NTM: variants seen among roughly 807,000 people sequenced by gnomAD.
The protein encoded by NTM is IgLON family member 2.
A neutral mutation model predicts 42.1 loss-of-function variants in NTM; 13 were observed. The ratio of observed to expected loss-of-function variants is 0.31; its 90% CI spans 0.20 to 0.49. The LOEUF is 0.49. Ranked by LOEUF, NTM falls within the 20% of genes least tolerant of loss-of-function variation. The pLI is 0.99. For missense variants in NTM, 373 were observed against 452.8 expected (o/e 0.82, Z 1.60); for synonymous variants, 187 against 179.2 (o/e 1.04, Z -0.35).
At chr11:131,590,172 C>T (rs2059240425) in intron 1 of NTM, among the ~76,000 whole-genome samples, 1 of 152,176 alleles carries the variant, frequency 6.6e-6, no homozygotes, top group Non-Finnish European at 1.5e-5. Context: ...GAACCTCTGT[C>T]CCCTCCCCAG....
chr11:131,661,421 A>G (rs1242228254), intron 1 of NTM, among the ~76,000 whole-genome samples: 2 of 152,364 alleles, frequency 1.3e-5, no homozygotes, highest in Admixed American at 6.5e-5. Flanking sequence ...TGACATGATC[A>G]GGCAGTAAAT....
chr11:131,582,830 G>A (rs1432488420), intron 1 of NTM, among the ~76,000 whole-genome samples: 2 of 152,094 alleles, frequency 1.3e-5, no homozygotes, highest in East Asian at 1.9e-4. Flanking sequence ...AGATTTACTG[G>A]CGTTTGGGGT....
intron 1 of NTM, among the ~76,000 whole-genome samples, chr11:131,762,496 C>T (rs1468542144): frequency 2.6e-5 from 4 of 152,214 alleles, no homozygotes; most frequent in South Asian, 4.1e-4. Context: ...AGGCCAAGGG[C>T]AGGTTGGCGC....
chr11:131,517,069 G>A (rs1388420516), intron 1 of NTM, among the ~76,000 whole-genome samples: 1 of 152,236 alleles, frequency 6.6e-6, no homozygotes, highest in Non-Finnish European at 1.5e-5. Context: ...TGACTGGGAA[G>A]TCTTTCCCAG....
intron 1 of NTM, among the ~76,000 whole-genome samples, chr11:131,752,988 C>T (rs531314563): frequency 6.6e-6 from 1 of 152,152 alleles, no homozygotes; most frequent in East Asian, 1.9e-4. Context: ...CTCAACCTAC[C>T]CATCTGACAA....
At chr11:132,292,812 A>G (rs1223509503) in intron 4 of NTM, among the ~76,000 whole-genome samples, 1 of 151,068 alleles carries the variant, frequency 6.6e-6, no homozygotes, top group Non-Finnish European at 1.5e-5. Flanking sequence ...AAAAAAAAAA[A>G]ACTAAAAAAT....
At chr11:131,630,226 G>A (rs1252482026) in intron 1 of NTM, among the ~76,000 whole-genome samples, 1 of 152,236 alleles carries the variant, frequency 6.6e-6, no homozygotes, top group Non-Finnish European at 1.5e-5. Context: ...TAGAAAGTTA[G>A]CAATCTCTGC....
rs146814604 is a variant in NTM, at chr11:132,270,071, C to T, written c.527-37618C>T. 5.3e-4 allele frequency among the ~76,000 whole-genome samples: 81 copies of T among 152,278 alleles called. 1 individual carries two copies. The highest frequency in any genetic ancestry group is 1.7e-3 in the African/African-American group (71 of 41,552). On this transcript the variant is annotated intron_variant, in intron 4 of 8. Transcript: ENST00000683400. ...CAGCGTCCTACTCCAGGCAACCACT[C>T]GTGTGGCCTCTATAACTACGGATAG...
intron 1 of NTM, chr11:131,770,971 C>CTGA (rs1282598096): frequency 2.0e-5 from 3 of 152,204 alleles, no homozygotes; most frequent in African/African-American, 7.2e-5. Flanking sequence ...TGCAGATCTT[C>CTGA]AGATTCAGGA....
chr11:131,911,418 G>C (rs998127238), intron 1 of NTM, 146 bp from the exon 2 acceptor site: 15 of 1,606,718 alleles, frequency 9.3e-6, no homozygotes, highest in Admixed American at 1.7e-5. Context: ...CCCACTTCCT[G>C]TGCTCGCCCG....
chr11:132,299,345 G>C (rs1036552618), intron 4 of NTM, among the ~76,000 whole-genome samples: 1 of 152,134 alleles, frequency 6.6e-6, no homozygotes, highest in African/African-American at 2.4e-5. Context: ...TGCATTTCTA[G>C]CTTATGCAAA....
chr11:132,077,679 T>C (rs2058542182), intron 2 of NTM, among the ~76,000 whole-genome samples: 1 of 152,216 alleles, frequency 6.6e-6, no homozygotes, highest in Non-Finnish European at 1.5e-5. Flanking sequence ...ATGGTGTGTT[T>C]ACCAGACAGT....
At chr11:131,971,233 T>C (rs541802663) in intron 2 of NTM, among the ~76,000 whole-genome samples, 10 of 152,348 alleles carry the variant, frequency 6.6e-5, no homozygotes, top group African/African-American at 2.2e-4. Flanking sequence ...TAGTTTTCTC[T>C]AATCTCTGAT....
chr11:131,911,021 T>C (rs2054810111), intron 1 of NTM: 1 of 1,023,706 alleles, frequency 9.8e-7, no homozygotes, highest in South Asian at 4.0e-5. Context: ...AAGTGTTGGA[T>C]GTCCCCCGTT....
intron 2 of NTM, among the ~76,000 whole-genome samples, chr11:132,068,485 C>T (rs7952281): frequency 6.6e-6 from 1 of 152,246 alleles, no homozygotes; most frequent in Admixed American, 6.5e-5. Flanking sequence ...TTTTCTGAGA[C>T]CTCACCAGAA....
intron 3 of NTM, among the ~76,000 whole-genome samples, chr11:132,170,888 G>A (rs181006978): frequency 1.4e-3 from 208 of 152,258 alleles, no homozygotes; most frequent in African/African-American, 4.6e-3. Context: ...CCTCATGATG[G>A]GGATTGCGGT....
intron 1 of NTM, among the ~76,000 whole-genome samples, chr11:131,469,078 G>A (rs773219422): frequency 4.6e-5 from 7 of 152,216 alleles, no homozygotes; most frequent in African/African-American, 7.2e-5. Context: ...TCCTGGCAGA[G>A]CTGGCTGCTG....
intron 1 of NTM, chr11:131,537,080 A>T (rs970312442): frequency 4.6e-5 from 7 of 151,898 alleles, no homozygotes; most frequent in African/African-American, 1.2e-4. Flanking sequence ...CCTCCGAGGC[A>T]CTGCAGACCT....
At chr11:132,120,684 G>C (rs1055340667) in intron 2 of NTM, among the ~76,000 whole-genome samples, 1 of 152,152 alleles carries the variant, frequency 6.6e-6, no homozygotes, top group Non-Finnish European at 1.5e-5. Context: ...CCTGCTTAGG[G>C]TTCTGCAAGG....
Sources: allele counts gnomAD v4.1 joint callset (sites outside exome capture counted in the v4.1 genomes callset), GRCh38; gene constraint gnomAD v4.1.1; transcripts MANE v1.5; gene names NCBI Gene and HGNC (gene_info 2026-07-23, HGNC 2026-07-21).